ABLIM3: variants seen among roughly 807,000 people sequenced by gnomAD.
The protein encoded by ABLIM3 is actin binding LIM protein family member 3.
Under a neutral mutation model 109.5 loss-of-function variants are expected in ABLIM3, and 61 were observed. That is an observed-to-expected ratio of 0.56 (90% confidence interval 0.45 to 0.69). The LOEUF (loss-of-function observed/expected upper bound fraction) is 0.69, where lower values mean the gene tolerates loss of function less well. ABLIM3 is among the 30% of genes least tolerant of loss of function. The pLI, the probability that ABLIM3 is intolerant of heterozygous loss-of-function variation, is 0.00. For missense variants in ABLIM3, 796 were observed against 889.5 expected, an observed-to-expected ratio of 0.89 and a Z score of 1.34; for synonymous variants, 300 against 324.8, an observed-to-expected ratio of 0.92 and a Z score of 0.82.
intron 14 of ABLIM3, among the ~76,000 whole-genome samples, chr5:149,241,083 G>A (rs756171128): frequency 1.3e-4 from 20 of 152,312 alleles, no homozygotes; most frequent in Non-Finnish European, 2.1e-4. Flanking sequence ...GGCACACAGC[G>A]GTGAAGGCTA....
At chr5:149,151,727 C>G (rs1753451522) in intron 2 of ABLIM3, among the ~76,000 whole-genome samples, 1 of 152,240 alleles carries the variant, frequency 6.6e-6, no homozygotes, top group Admixed American at 6.5e-5. Context: ...CTTTCCACCC[C>G]ACCTGGTCAT....
chr5:149,245,579 C>T (rs776139316), intron 16 of ABLIM3, among the ~76,000 whole-genome samples: 4 of 152,152 alleles, frequency 2.6e-5, no homozygotes, highest in Non-Finnish European at 4.4e-5. Context: ...CAGTGAGTGG[C>T]ATGATCACAT....
intron 12 of ABLIM3, 120 bp from the exon 13 acceptor site, chr5:149,239,639 T>C (rs1752591009): frequency 3.6e-6 from 5 of 1,387,788 alleles, no homozygotes; most frequent in Non-Finnish European, 4.9e-6. Flanking sequence ...GGGGTCTCTG[T>C]ATTCACACCT....
At chr5:149,143,646 T>A (rs1752683052) in intron 2 of ABLIM3, among the ~76,000 whole-genome samples, 1 of 152,136 alleles carries the variant, frequency 6.6e-6, no homozygotes, top group Admixed American at 6.6e-5. Flanking sequence ...GTGTATTGCA[T>A]ATCTATGCTA....
At chr5:149,245,427 T>C (rs1753252814) in intron 16 of ABLIM3, among the ~76,000 whole-genome samples, 2 of 152,306 alleles carry the variant, frequency 1.3e-5, no homozygotes, top group Middle Eastern at 3.4e-3. Flanking sequence ...AGACCCAGGA[T>C]GTGAGAGAGG....
intron 3 of ABLIM3, among the ~76,000 whole-genome samples, chr5:149,194,891 A>G (rs1221041796): frequency 6.6e-6 from 1 of 152,212 alleles, no homozygotes; most frequent in African/African-American, 2.4e-5. Flanking sequence ...TAAACTCGGT[A>G]GTGGGTACAT....
chr5:149,166,755 C>A (rs1371650826), intron 2 of ABLIM3, among the ~76,000 whole-genome samples: 1 of 152,232 alleles, frequency 6.6e-6, no homozygotes. Flanking sequence ...CTGTAAAGGA[C>A]CACATGGTGA....
chr5:149,221,397 G>T (rs994751722), intron 8 of ABLIM3, among the ~76,000 whole-genome samples: 1 of 152,240 alleles, frequency 6.6e-6, no homozygotes, highest in Non-Finnish European at 1.5e-5. Flanking sequence ...AGCCTTGTCA[G>T]TTCTGGAGCT....
At chr5:149,252,399 T>C (rs1754020289) in intron 22 of ABLIM3, 191 bp downstream of exon 22, 5 of 596,426 alleles carry the variant, frequency 8.4e-6, no homozygotes, top group Non-Finnish European at 1.4e-5. Flanking sequence ...CTAGGTCTCT[T>C]GCCTACTGAA....
At chr5:149,179,885 C>A (rs1756310207) in intron 2 of ABLIM3, among the ~76,000 whole-genome samples, 1 of 152,208 alleles carries the variant, frequency 6.6e-6, no homozygotes, top group South Asian at 2.1e-4. Context: ...GCATAGATGT[C>A]TAGAACATGT....
intron 2 of ABLIM3, 49 bp downstream of exon 2, chr5:149,142,157 G>A (rs181503987): frequency 6.5e-7 from 1 of 1,535,610 alleles, no homozygotes; most frequent in African/African-American, 1.4e-5. Flanking sequence ...GTGGGGGCGG[G>A]AGGTGAGGGA....
At chr5:149,227,025 G>A (rs1378717133) in intron 8 of ABLIM3, among the ~76,000 whole-genome samples, 3 of 146,246 alleles carry the variant, frequency 2.1e-5, no homozygotes, top group South Asian at 2.2e-4. Flanking sequence ...AGCCAAGATC[G>A]TGCCATTGCA....
chr5:149,204,288 G>A (rs1581123184), intron 5 of ABLIM3, among the ~76,000 whole-genome samples: 1 of 152,256 alleles, frequency 6.6e-6, no homozygotes, highest in South Asian at 2.1e-4. Flanking sequence ...ACATATGGAG[G>A]AGTGGACAGC....
chr5:149,229,952 G>A (rs1176198993), intron 8 of ABLIM3, among the ~76,000 whole-genome samples: 2 of 152,140 alleles, frequency 1.3e-5, no homozygotes, highest in Admixed American at 1.3e-4. Context: ...GAATTAGCAG[G>A]TCAAGGCAAT....
At position 149,200,300 on chromosome 5, in the gene ABLIM3, C is replaced by G. The variant is rs1422329581; in HGVS notation, c.336-16C>G. On this transcript the variant is annotated splice_polypyrimidine_tract_variant and intron_variant, in intron 4 of 23. Transcript: ENST00000309868. ...AGAAGAGGGTGTGTTGAATTTCTCC[C>G]TCATCCCACTTGCAGGAAGCCTTTC... 8.7e-6 allele frequency: 14 copies of G among 1,611,626 alleles called. No homozygotes were observed. The highest frequency in any genetic ancestry group is 1.7e-4 in the Middle Eastern group (1 of 6,060).
chr5:149,216,674 G>C, intron 7 of ABLIM3: 1 of 376,250 alleles, frequency 2.7e-6, no homozygotes, highest in East Asian at 4.3e-5. Flanking sequence ...TGGAAATGAG[G>C]AAGTTGGACC....
chr5:149,152,203 G>T lies in ABLIM3; in HGVS notation c.13+10095G>T, dbSNP rs145062753. 3.4e-3 allele frequency among the ~76,000 whole-genome samples: 522 copies of T among 152,216 alleles called. 4 individuals carry two copies. The highest frequency in any genetic ancestry group is 0.012 in the African/African-American group (480 of 41,524). ...GGATGGGGTATATACTTAGTTTCTG[G>T]CTTGCCACAATTATCACTTCCTATT... On this transcript the variant is annotated intron_variant, in intron 2 of 23. Coordinates refer to ENST00000309868, the MANE Select transcript of ABLIM3 (RefSeq NM_014945.5).
intron 8 of ABLIM3, among the ~76,000 whole-genome samples, chr5:149,224,431 G>A (rs1329480931): frequency 6.6e-6 from 1 of 152,096 alleles, no homozygotes; most frequent in Admixed American, 6.6e-5. Flanking sequence ...CATCATGTCA[G>A]CTCCAGGCAA....
At chr5:149,167,606 G>A (rs764652320) in intron 2 of ABLIM3, among the ~76,000 whole-genome samples, 5 of 152,188 alleles carry the variant, frequency 3.3e-5, no homozygotes, top group Non-Finnish European at 4.4e-5. Context: ...CACATGAATT[G>A]TACAAAGTAA....
Sources: gnomAD v4.1 joint callset for allele counts (sites outside exome capture counted in the v4.1 genomes callset) on GRCh38, gnomAD v4.1.1 for gene constraint, MANE v1.5 for transcripts, NCBI Gene and HGNC (gene_info 2026-07-23, HGNC 2026-07-21) for gene names.